Variants in SEL1L observed in about 807,000 individuals in gnomAD.
The protein encoded by SEL1L is protein sel-1 homolog 1.
In SEL1L, 52 loss-of-function variants were observed where a neutral mutation model predicts 109.8. The observed-to-expected ratio is 0.47, with a 90% CI of 0.38 to 0.60. SEL1L has a LOEUF of 0.60. Ranked by LOEUF, SEL1L falls within the 20% of genes least tolerant of loss-of-function variation. The pLI is 0.00. For synonymous variants in SEL1L, 373 were observed against 339.6 expected (o/e 1.10, Z -1.08); for missense variants, 749 against 962.2 (o/e 0.78, Z 2.93).
rs35474067 is a variant in SEL1L at position 81,510,514 on chromosome 14, C to CTCTCTATATATATA, written c.341-4274_341-4273insTATATATATAGAGA. ...TCTCTCTCTCTCTCTCTCTCTCTCTCTATATATATATATATAGACAATTAA... is the reference window on the plus strand; with the variant it reads ...TCTCTCTCTCTCTCTCTCTCTCTCTCTCTCTATATATATATATATATATATATATAGACAATTAA... On this transcript the variant is annotated intron_variant, in intron 3 of 20. Transcript: ENST00000336735. Among the ~76,000 whole-genome samples the CTCTCTATATATATA allele has an allele frequency of 7.6e-3, 788 of 103,960 alleles. 5 individuals are homozygous for CTCTCTATATATATA. The highest frequency in any genetic ancestry group is 8.8e-3 in the African/African-American group (258 of 29,216). 68.2% of individuals were successfully genotyped at this position (103,960 alleles called of 152,430 possible).
rs754911031 is a variant in SEL1L at position 81,484,292 on chromosome 14, T to C, written c.1979A>G (p.Gln660Arg). The C allele has an allele frequency of 7.4e-6, 12 of 1,614,178 alleles. No homozygotes were observed. Among genetic ancestry groups the C allele is most frequent in the Non-Finnish European group, 1.0e-5 (12 of 1,179,990 alleles). ...AFIHYRLASE[Q>R]QHSAQAMFNL... ...AAACATAGCTTGTGCACTGTGTTGC[T>C]GCTCAGAAGCCAGACGGTAATGAAT... Residue 660 changes from glutamine to arginine, a missense_variant, in exon 19 of 21, where the codon CAG (glutamine) becomes CGG (arginine). By Grantham distance (43) the Gln-to-Arg change is conservative (BLOSUM62 1). Coordinates refer to ENST00000336735, the MANE Select transcript of SEL1L (RefSeq NM_005065.6).
chr14:81,477,569 T>G (rs980527570), intron 20 of SEL1L, among the ~76,000 whole-genome samples: 3 of 152,182 alleles, frequency 2.0e-5, no homozygotes, highest in Middle Eastern at 3.4e-3. Context: ...TCCCAGCACT[T>G]TGGGAGGCCG....
At chr14:81,520,447 C>T (rs1884861267) in intron 3 of SEL1L, among the ~76,000 whole-genome samples, 1 of 152,158 alleles carries the variant, frequency 6.6e-6, no homozygotes, top group African/African-American at 2.4e-5. Context: ...TATTTTGAAA[C>T]TATATATGCA....
chr14:81,492,174 G>A (rs1883563077), intron 12 of SEL1L, among the ~76,000 whole-genome samples: 1 of 151,862 alleles, frequency 6.6e-6, no homozygotes, highest in Admixed American at 6.6e-5. Flanking sequence ...TGTATTTTTA[G>A]TACAGATGGG....
intron 5 of SEL1L, among the ~76,000 whole-genome samples, chr14:81,503,309 A>G (rs925724496): frequency 2.0e-5 from 3 of 152,064 alleles, no homozygotes; most frequent in South Asian, 4.1e-4. Context: ...CTATTCAGTC[A>G]TATTACTTAT....
Position 81,484,251 on chromosome 14 carries a change from G to A in SEL1L, c.2020C>T (p.His674Tyr). The A allele has an allele frequency of 6.2e-7, 1 of 1,613,472 alleles. No individual in the cohort carries two copies. The highest frequency in any genetic ancestry group is 8.5e-7 in the Non-Finnish European group (1 of 1,179,486). Reference sequence around the variant, plus strand: ...TGTTTAATGCCCAGTCCTTTCTCATGCATATATCCCAGATTAAACATAGCT... The same window carrying A: ...TGTTTAATGCCCAGTCCTTTCTCATACATATATCCCAGATTAAACATAGCT... ...AQAMFNLGYMHEKGLGIKQDI... is the reference protein window; with the variant it reads ...AQAMFNLGYMYEKGLGIKQDI... The change falls in exon 19 of 21, where the codon CAT (histidine) becomes TAT (tyrosine). Residue 674 changes from histidine to tyrosine, a missense_variant. Physicochemically the swap from His to Tyr is moderately conservative, Grantham distance 83 (BLOSUM62 2). Around this residue, in one of 2 missense-constraint regions of SEL1L, gnomAD observed 383 missense variants for 562.5 expected, o/e 0.68. Coordinates refer to ENST00000336735, the MANE Select transcript of SEL1L (RefSeq NM_005065.6).
chr14:81,487,673 A>C, intron 15 of SEL1L, 135 bp from the exon 16 acceptor site: 1 of 1,509,742 alleles, frequency 6.6e-7, no homozygotes, highest in Non-Finnish European at 8.9e-7. Flanking sequence ...AATACAAGCT[A>C]ACACACTGAT....
chr14:81,482,583 T>C (rs1359263050), intron 19 of SEL1L, among the ~76,000 whole-genome samples: 1 of 152,140 alleles, frequency 6.6e-6, no homozygotes, highest in Non-Finnish European at 1.5e-5. Context: ...GATGACTGGT[T>C]TGACAATAAA....
intron 20 of SEL1L, among the ~76,000 whole-genome samples, chr14:81,478,969 G>GCT (rs1339203515): frequency 2.0e-5 from 3 of 152,178 alleles, no homozygotes; most frequent in African/African-American, 7.2e-5. Flanking sequence ...AGAGTGAAAT[G>GCT]CTCTACCAGT....
intron 3 of SEL1L, among the ~76,000 whole-genome samples, chr14:81,511,379 A>G (rs923836536): frequency 6.6e-6 from 1 of 152,240 alleles, no homozygotes; most frequent in Admixed American, 6.5e-5. Flanking sequence ...TAATCAGGTG[A>G]CAGGCACTGT....
chr14:81,507,064 A>C (rs886741239), intron 3 of SEL1L, among the ~76,000 whole-genome samples: 6 of 152,216 alleles, frequency 3.9e-5, no homozygotes, highest in Non-Finnish European at 7.3e-5. Flanking sequence ...AGGAGTACTC[A>C]AACAGATTGG....
At chr14:81,480,961 G>T (rs1033866676) in intron 19 of SEL1L, among the ~76,000 whole-genome samples, 1 of 152,038 alleles carries the variant, frequency 6.6e-6, no homozygotes, top group Non-Finnish European at 1.5e-5. Flanking sequence ...CACCGGAAGA[G>T]ATCTACCCCA....
At chr14:81,517,466 T>C (rs547194602) in intron 3 of SEL1L, among the ~76,000 whole-genome samples, 2 of 152,218 alleles carry the variant, frequency 1.3e-5, no homozygotes, top group African/African-American at 4.8e-5. Context: ...ACAAAAAAAC[T>C]GGGGGAGGTA....
chr14:81,513,196 G>C (rs534891315), intron 3 of SEL1L, among the ~76,000 whole-genome samples: 1 of 152,320 alleles, frequency 6.6e-6, no homozygotes, highest in South Asian at 2.1e-4. Flanking sequence ...TCAGCGCTCC[G>C]TAAAATGGAC....
intron 3 of SEL1L, among the ~76,000 whole-genome samples, chr14:81,509,675 C>T (rs527478923): frequency 6.6e-5 from 10 of 152,286 alleles, no homozygotes; most frequent in African/African-American, 2.2e-4. Context: ...TATGCAGCGT[C>T]GGCCAGAAGA....
chr14:81,502,865 T>C lies in SEL1L; in HGVS notation c.633A>G (p.Gln211=). The C allele has an allele frequency of 6.2e-7, 1 of 1,612,506 alleles. No individual in the cohort carries two copies. The highest frequency in any genetic ancestry group is 8.5e-7 in the Non-Finnish European group (1 of 1,179,220). The change falls in exon 6 of 21, where the codon CAA becomes CAG. Residue 211 remains glutamine, a synonymous_variant. Coordinates refer to ENST00000336735, the MANE Select transcript of SEL1L (RefSeq NM_005065.6). ...TGGTATGGTTCATGCTTGCTGCCTT[T>C]TGGAGATACCGATATGCTCTTCAAA... The part of the protein sequence containing the change: ...SQKREAYRYL[Q]KAASMNHTKA...
chr14:81,524,646 C>T (rs1885045627), intron 3 of SEL1L, among the ~76,000 whole-genome samples: 1 of 151,982 alleles, frequency 6.6e-6, no homozygotes, highest in Non-Finnish European at 1.5e-5. Flanking sequence ...CCAAGGTGGG[C>T]AGATCACTTA....
intron 3 of SEL1L, among the ~76,000 whole-genome samples, chr14:81,510,867 A>G (rs1303275329): frequency 6.6e-6 from 1 of 152,202 alleles, no homozygotes; most frequent in Non-Finnish European, 1.5e-5. Flanking sequence ...GTGTTCATCA[A>G]TTTTAGTAAA....
At chr14:81,482,405 G>A (rs1329875082) in intron 19 of SEL1L, among the ~76,000 whole-genome samples, 1 of 152,162 alleles carries the variant, frequency 6.6e-6, no homozygotes, top group Non-Finnish European at 1.5e-5. Flanking sequence ...TCAGCTGGGT[G>A]CAGGGGCTCA....
Sources: allele counts gnomAD v4.1 joint callset (sites outside exome capture counted in the v4.1 genomes callset), GRCh38; gene constraint gnomAD v4.1.1; regional missense constraint gnomAD v4.1.1; transcripts MANE v1.5; gene names NCBI Gene and HGNC (gene_info 2026-07-23, HGNC 2026-07-21).